Variants in RNF32 observed in about 807,000 individuals in gnomAD.
RNF32 encodes ring finger protein 32.
A neutral mutation model predicts 41.0 loss-of-function variants in RNF32; 36 were observed. The observed-to-expected ratio is 0.88, with a 90% CI of 0.67 to 1.16. RNF32 has a LOEUF of 1.16. Among genes scored for constraint, RNF32 ranks in the 50% most tolerant of loss-of-function variants. The probability of loss-of-function intolerance (pLI) is 0.00; values close to 1 mark genes in which losing one functional copy is unlikely to be tolerated. For missense variants in RNF32, 413 were observed against 436.7 expected (o/e 0.95, Z 0.48); for synonymous variants, 154 against 160.9 (o/e 0.96, Z 0.32).
At chr7:156,644,127 G>T (rs146913148) in intron 2 of RNF32, among the ~76,000 whole-genome samples, 2 of 152,278 alleles carry the variant, frequency 1.3e-5, no homozygotes, top group East Asian at 3.9e-4. Flanking sequence ...ATTCTGCACA[G>T]GAAATTATTA....
intron 1 of RNF32, 132 bp from the exon 2 acceptor site, chr7:156,643,669 A>G: frequency 1.7e-6 from 1 of 592,048 alleles, no homozygotes; most frequent in Non-Finnish European, 3.0e-6. Context: ...CAGAATGTGT[A>G]GCTTAGTGCC....
intron 3 of RNF32, chr7:156,654,370 A>C: frequency 2.1e-6 from 1 of 480,176 alleles, no homozygotes; most frequent in Non-Finnish European, 3.7e-6. Flanking sequence ...ATACTCCACC[A>C]TCTTCTATCA....
intron 3 of RNF32, among the ~76,000 whole-genome samples, chr7:156,652,310 G>A (rs1798856764): frequency 2.0e-5 from 3 of 151,856 alleles, no homozygotes; most frequent in African/African-American, 4.8e-5. Context: ...GACGGGATTC[G>A]ATGTTCTGAG....
intron 1 of RNF32, among the ~76,000 whole-genome samples, chr7:156,641,468 C>T (rs1797303175): frequency 1.3e-5 from 2 of 152,124 alleles, no homozygotes; most frequent in African/African-American, 4.8e-5. Context: ...CTACCAGTGC[C>T]GCAGGCTCAT....
intron 7 of RNF32, chr7:156,658,977 C>A: frequency 6.6e-7 from 1 of 1,509,366 alleles, no homozygotes; most frequent in African/African-American, 1.4e-5. Context: ...AAAATAAAGC[C>A]CCCACATGCT....
chr7:156,672,415 A>C (rs1802751297), intron 7 of RNF32, among the ~76,000 whole-genome samples: 1 of 152,200 alleles, frequency 6.6e-6, no homozygotes. Context: ...AGGCAGAAGG[A>C]GGCAATAGGT....
chr7:156,673,105 A>G (rs541677217), intron 7 of RNF32, among the ~76,000 whole-genome samples: 1 of 152,364 alleles, frequency 6.6e-6, no homozygotes, highest in Admixed American at 6.5e-5. Flanking sequence ...CGATCATTTC[A>G]TTCAATTGAT....
chr7:156,664,648 A>G (rs1801095604), intron 7 of RNF32, among the ~76,000 whole-genome samples: 1 of 152,196 alleles, frequency 6.6e-6, no homozygotes, highest in South Asian at 2.1e-4. Context: ...AGATGTAATC[A>G]ATGAGTAGAA....
At chr7:156,671,479 C>T (rs145479322) in intron 7 of RNF32, among the ~76,000 whole-genome samples, 28 of 152,222 alleles carry the variant, frequency 1.8e-4, no homozygotes, top group Middle Eastern at 6.8e-3. Flanking sequence ...CACCGAGCAA[C>T]GGCAGCACAT....
At position 156,670,639 on chromosome 7, in the gene RNF32, T is replaced by C. The variant is rs916269925; in HGVS notation, c.685-5057T>C. On this transcript the variant is annotated intron_variant, in intron 7 of 8. Transcript: ENST00000317955. The surrounding 1 kb of genome is among the most constrained non-coding windows in gnomAD (Gnocchi z 4.3). Reference sequence around the variant, plus strand: ...AGTGGCCAGGAACGAGGACAGACGATGGCAAACCCTGGGACCTGCAGATTT... The same window carrying C: ...AGTGGCCAGGAACGAGGACAGACGACGGCAAACCCTGGGACCTGCAGATTT... 6.6e-6 allele frequency among the ~76,000 whole-genome samples: 1 copy of C among 152,128 alleles called. No homozygotes were observed. The highest frequency in any genetic ancestry group is 2.4e-5 in the African/African-American group (1 of 41,418).
chr7:156,640,875 G>T (rs1797195465), intron 1 of RNF32, 64 bp downstream of exon 1: 1 of 207,278 alleles, frequency 4.8e-6, no homozygotes, highest in South Asian at 5.7e-5. Flanking sequence ...CGGGGTCCAT[G>T]GATTCGGGGT....
At chr7:156,662,792 AT>A (rs1416949221) in intron 7 of RNF32, among the ~76,000 whole-genome samples, 1 of 151,940 alleles carries the variant, frequency 6.6e-6, no homozygotes, top group African/African-American at 2.4e-5. Flanking sequence ...GAAAAAAATT[AT>A]ATGAGCATCT....
upstream of RNF32, chr7:156,640,210 G>A (rs574262433): frequency 3.2e-3 from 1,449 of 453,728 alleles, 22 homozygotes; most frequent in African/African-American, 0.027. Flanking sequence ...CGGCGCGGGG[G>A]GATCGGGGGA....
chr7:156,653,662 C>T (rs1043404279), intron 3 of RNF32, among the ~76,000 whole-genome samples: 2 of 152,182 alleles, frequency 1.3e-5, no homozygotes, highest in Non-Finnish European at 2.9e-5. Context: ...AGGTGAACTT[C>T]GCTTCCTGCA....
chr7:156,658,570 G>T lies in RNF32; in HGVS notation c.684G>T (p.Lys228Asn). 1 of 1,586,002 alleles carries T rather than the reference G, an allele frequency of 6.3e-7. No homozygotes were observed. The highest frequency in any genetic ancestry group is 1.3e-5 in the African/African-American group (1 of 74,490). Residue 228 changes from lysine to asparagine, a missense_variant and splice_region_variant, in exon 7 of 9, where the codon AAG becomes AAT. Transcript: ENST00000317955. ...AKLRKKFFEK[K>N]FTEISHRILC... ...TAAGAAAAAAATTCTTTGAAAAAAAGGTAGGTAAAGATCATTATGTTCTCC... is the reference window on the plus strand; with the variant it reads ...TAAGAAAAAAATTCTTTGAAAAAAATGTAGGTAAAGATCATTATGTTCTCC...
chr7:156,661,218 G>T (rs1800616218), intron 7 of RNF32, among the ~76,000 whole-genome samples: 2 of 152,182 alleles, frequency 1.3e-5, no homozygotes, highest in South Asian at 4.1e-4. Flanking sequence ...GGCATAAGGG[G>T]CATCTCACCT....
rs1237172095 is a variant in RNF32 at position 156,670,696 on chromosome 7, T to C, written c.685-5000T>C. Among the ~76,000 whole-genome samples, 8 of 152,148 alleles carry C rather than the reference T, an allele frequency of 5.3e-5. No individual in the cohort carries two copies. The highest frequency in any genetic ancestry group is 1.7e-4 in the African/African-American group (7 of 41,426). ...GGGAGCGGCAGAAGGTGAGATGGCA[T>C]CTCCGTGTGTCGGGAGAGACCTAAC... On this transcript the variant is annotated intron_variant, in intron 7 of 8. Coordinates refer to ENST00000317955, the MANE Select transcript of RNF32 (RefSeq NM_030936.4). The surrounding 1 kb of genome is among the most constrained non-coding windows in gnomAD (Gnocchi z 4.3).
intron 7 of RNF32, among the ~76,000 whole-genome samples, chr7:156,660,872 G>T (rs542897072): frequency 5.3e-5 from 8 of 152,360 alleles, no homozygotes; most frequent in African/African-American, 1.9e-4. Context: ...TACAGGCAAA[G>T]ACATCAGTCA....
chr7:156,660,061 T>C (rs1430373845), intron 7 of RNF32: 1 of 985,698 alleles, frequency 1.0e-6, no homozygotes, highest in African/African-American at 1.7e-5. Flanking sequence ...AATACTGTTT[T>C]TTGTTTTATC....
Sources: gnomAD v4.1 joint callset for allele counts (sites outside exome capture counted in the v4.1 genomes callset) on GRCh38, gnomAD v4.1.1 for gene constraint, Gnocchi (gnomAD v3.1) non-coding constraint, MANE v1.5 for transcripts, NCBI Gene and HGNC (gene_info 2026-07-23, HGNC 2026-07-21) for gene names.